The following AR variants were observed in gnomAD, a reference collection of about 807,000 sequenced individuals.
AR encodes androgen receptor.
Under a neutral mutation model 53.9 loss-of-function variants are expected in AR, and 8 were observed. The observed-to-expected ratio is 0.15, with a 90% confidence interval of 0.09 to 0.27. The LOEUF is 0.27. Ranked by LOEUF, AR falls within the 10% of genes least tolerant of loss-of-function variation. AR has a pLI of 1.00. For missense variants in AR, 639 were observed against 742.5 expected (o/e 0.86, Z 1.62); for synonymous variants, 359 against 316.4 (o/e 1.13, Z -1.43).
intron 1 of AR, among the ~76,000 whole-genome samples, chrX:67,626,295 T>C (rs1465761958): frequency 1.6e-4 from 18 of 109,922 alleles, no homozygotes. Context: ...CTCATGGAGA[T>C]AGACAGAACT....
intron 1 of AR, among the ~76,000 whole-genome samples, chrX:67,638,860 G>T (rs778889964): frequency 6.1e-4 from 68 of 111,975 alleles, no homozygotes; most frequent in Non-Finnish European, 1.1e-3. Context: ...CTTGGCTCTT[G>T]TTGCCATTGC....
At chrX:67,669,518 G>A (rs377071938) in intron 2 of AR, among the ~76,000 whole-genome samples, 3 of 111,824 alleles carry the variant, frequency 2.7e-5, no homozygotes, top group African/African-American at 6.5e-5. Flanking sequence ...ATATTCTGCA[G>A]CCATTGGATA....
At chrX:67,654,000 A>G (rs1263190852) in intron 2 of AR, among the ~76,000 whole-genome samples, 2 of 112,103 alleles carry the variant, frequency 1.8e-5, no homozygotes, top group Non-Finnish European at 3.8e-5. Context: ...TTAGTAGTAA[A>G]TCTCTACAAT....
At chrX:67,705,835 A>T (rs1392187238) in intron 3 of AR, among the ~76,000 whole-genome samples, 1 of 111,388 alleles carries the variant, frequency 9.0e-6, no homozygotes, top group African/African-American at 3.3e-5. Flanking sequence ...TACCTAATTT[A>T]TTGAGAGTTT....
At chrX:67,553,891 A>G (rs903205219) in intron 1 of AR, among the ~76,000 whole-genome samples, 1 of 112,204 alleles carries the variant, frequency 8.9e-6, no homozygotes, top group African/African-American at 3.2e-5. Context: ...TTGATCTTGT[A>G]TCCTGCAACC....
chrX:67,660,488 T>A (rs1376763890), intron 2 of AR, among the ~76,000 whole-genome samples: 1 of 111,848 alleles, frequency 8.9e-6, no homozygotes, highest in Non-Finnish European at 1.9e-5. Flanking sequence ...CCCCATTTCT[T>A]GTTTTTGTCA....
intron 7 of AR, among the ~76,000 whole-genome samples, chrX:67,723,345 T>TCA (rs1569316248): frequency 3.9e-5 from 4 of 102,121 alleles, no homozygotes; most frequent in African/African-American, 1.5e-4. Context: ...TGTGTGTGTG[T>TCA]GTGTGTGTCA....
chrX:67,711,895 G>A (rs181059126), intron 4 of AR, among the ~76,000 whole-genome samples: 111 of 111,949 alleles, frequency 9.9e-4, no homozygotes, highest in Middle Eastern at 4.6e-3. Context: ...TAGTATTATC[G>A]GGTGTCTTAT....
At chrX:67,569,550 T>C (rs992922478) in intron 1 of AR, among the ~76,000 whole-genome samples, 2 of 111,814 alleles carry the variant, frequency 1.8e-5, no homozygotes, top group African/African-American at 6.5e-5. Context: ...TCTTTTCTTT[T>C]GTGCTCGTAT....
rs1929743570 is a variant in AR at position 67,546,399 on chromosome X, G to A, written c.1253G>A (p.Gly418Asp). 1 of 1,185,246 alleles carries A rather than the reference G, an allele frequency of 8.4e-7. No individual in the cohort carries two copies. The highest frequency in any genetic ancestry group is 1.8e-5 in the African/African-American group (1 of 57,128). ...YGDLASLHGAGAAGPGSGSPS... is the reference protein window; with the variant it reads ...YGDLASLHGADAAGPGSGSPS... Reference sequence around the variant, plus strand: ...GACCTGGCGAGCCTGCATGGCGCGGGTGCAGCGGGACCCGGTTCTGGGTCA... The same window carrying A: ...GACCTGGCGAGCCTGCATGGCGCGGATGCAGCGGGACCCGGTTCTGGGTCA... Residue 418 changes from glycine (G) to aspartate (D), a missense_variant, in exon 1 of 8, where the codon GGT becomes GAT. Gly to Asp is a moderately conservative substitution (Grantham distance 94). Coordinates refer to ENST00000374690, the MANE Select transcript of AR (RefSeq NM_000044.6).
chrX:67,663,689 A>G (rs1258323252), intron 2 of AR, among the ~76,000 whole-genome samples: 3 of 111,846 alleles, frequency 2.7e-5, no homozygotes, highest in Non-Finnish European at 5.6e-5. Flanking sequence ...TAGATTGGGG[A>G]AGTTGTCCTG....
chrX:67,613,477 C>T (rs1430979867), intron 1 of AR, among the ~76,000 whole-genome samples: 1 of 111,482 alleles, frequency 9.0e-6, no homozygotes, highest in African/African-American at 3.3e-5. Flanking sequence ...CTAGTAACAA[C>T]AAGCAAAACA....
rs1264262764 is a variant in AR at position 67,546,526 on chromosome X, C to T, written c.1380C>T (p.Gly460=). The T allele has an allele frequency of 1.3e-4, 86 of 685,493 alleles. 6 individuals are homozygous for T. Among genetic ancestry groups the T allele is most frequent in the Middle Eastern group, 1.4e-3 (2 of 1,432 alleles). 56.5% of individuals were successfully genotyped at this position (685,493 alleles called of 1,213,427 possible). A position where few individuals can be genotyped will look rare whatever the true frequency, so the allele number is the denominator to read the frequency against. ...GTGGTGGGGGTGGTGGCGGCGGCGGCGGCGGCGGCGGCGGCGGCGGCGGCG... is the reference window on the plus strand; with the variant it reads ...GTGGTGGGGGTGGTGGCGGCGGCGGTGGCGGCGGCGGCGGCGGCGGCGGCG... The part of the protein sequence containing the change: ...CGGGGGGGGG[G]GGGGGGGGGG... The change falls in exon 1 of 8, where the codon GGC becomes GGT. Residue 460 remains glycine (G), a synonymous_variant. Coordinates refer to ENST00000374690, the MANE Select transcript of AR (RefSeq NM_000044.6).
Position 67,546,394 on chromosome X carries a change from C to A in AR, c.1248C>A (p.Gly416=). The change falls in exon 1 of 8, where the codon GGC becomes GGA. Residue 416 remains glycine (G), a synonymous_variant. Coordinates refer to ENST00000374690, the MANE Select transcript of AR (RefSeq NM_000044.6). ...CRYGDLASLH[G]AGAAGPGSGS... ...ATGGGGACCTGGCGAGCCTGCATGG[C>A]GCGGGTGCAGCGGGACCCGGTTCTG... 1 of 1,184,752 alleles carries A rather than the reference C, an allele frequency of 8.4e-7. No homozygotes were observed. The highest frequency in any genetic ancestry group is 3.1e-5 in the East Asian group (1 of 32,197).
chrX:67,612,005 A>G (rs1425774887), intron 1 of AR, among the ~76,000 whole-genome samples: 2 of 112,128 alleles, frequency 1.8e-5, no homozygotes, highest in Non-Finnish European at 3.8e-5. Context: ...ATTCATCAGC[A>G]TATGTACTAT....
intron 2 of AR, among the ~76,000 whole-genome samples, chrX:67,676,582 T>C (rs910774691): frequency 1.8e-5 from 2 of 111,526 alleles, no homozygotes; most frequent in African/African-American, 6.5e-5. Flanking sequence ...AGTTGCAAGG[T>C]TACTAAAAGC....
chrX:67,686,252 A>T, intron 3 of AR, 126 bp downstream of exon 3: 1 of 768,614 alleles, frequency 1.3e-6, no homozygotes, highest in Non-Finnish European at 1.9e-6. Flanking sequence ...CTCTAGACAC[A>T]GGCTGACCCT....
chrX:67,684,128 C>A (rs775262965), intron 2 of AR, among the ~76,000 whole-genome samples: 2 of 111,393 alleles, frequency 1.8e-5, no homozygotes, highest in Non-Finnish European at 3.8e-5. Context: ...GCAGCAGTAC[C>A]AATACTGTGG....
intron 2 of AR, among the ~76,000 whole-genome samples, chrX:67,655,853 C>T (rs190101212): frequency 1.5e-3 from 171 of 112,362 alleles, no homozygotes; most frequent in African/African-American, 5.4e-3. Flanking sequence ...TCCTAGTACA[C>T]AAATGAGAAA....
Sources: allele counts gnomAD v4.1 joint callset (sites outside exome capture counted in the v4.1 genomes callset), GRCh38; gene constraint gnomAD v4.1.1; transcripts MANE v1.5; gene names NCBI Gene and HGNC (gene_info 2026-07-23, HGNC 2026-07-21).